The following DCAF12 variants were observed in gnomAD, a reference collection of about 807,000 sequenced individuals.
The protein encoded by DCAF12 is DDB1 and CUL4 associated factor 12.
DCAF12 carries 28 observed loss-of-function variants against 52.8 expected under a neutral mutation model. The ratio of observed to expected loss-of-function variants is 0.53; its 90% CI spans 0.39 to 0.73. The LOEUF is 0.73. DCAF12 is among the 30% of genes least tolerant of loss of function. The pLI, the probability that DCAF12 is intolerant of heterozygous loss-of-function variation, is 0.00. For missense variants in DCAF12, 425 were observed against 552.2 expected, an observed-to-expected ratio of 0.77 and a Z score of 2.31; for synonymous variants, 196 against 215.5, an observed-to-expected ratio of 0.91 and a Z score of 0.79.
In DCAF12 at chr9:34,088,365, A is replaced by G. The variant is rs1828592097; in HGVS notation, c.1347T>C (p.Ala449=). The G allele has an allele frequency of 1.9e-6, 3 of 1,601,388 alleles. No individual in the cohort carries two copies. The highest frequency in any genetic ancestry group is 1.7e-6 in the Non-Finnish European group (2 of 1,174,456). ...PLPSGLHGNY[A]GLWS is the part of the protein sequence containing the mutation. ...GGAGTTGTCATTAACTCCAGAGCCCAGCATAGTTTCCATGGAGCCCTGAAG... is the reference window on the plus strand; with the variant it reads ...GGAGTTGTCATTAACTCCAGAGCCCGGCATAGTTTCCATGGAGCCCTGAAG... The change falls in exon 9 of 9, where the codon GCT becomes GCC. Residue 449 remains alanine (A), a synonymous_variant. Transcript: ENST00000361264.
In DCAF12 at chr9:34,105,839, G is replaced by C. The variant is rs538967544; in HGVS notation, c.601+595C>G. Among the ~76,000 whole-genome samples, 4 of 147,880 alleles carry C rather than the reference G, an allele frequency of 2.7e-5. No individual in the cohort carries two copies. The Admixed American group carries it at 2.7e-4, about 10-fold the overall frequency. On this transcript the variant is annotated intron_variant, in intron 4 of 8. Coordinates refer to ENST00000361264, the MANE Select transcript of DCAF12 (RefSeq NM_015397.4). Reference sequence around the variant, plus strand: ...TCTCAGCTCACTGCAACCTCTGCCTGCCGGGTTCAAGCAATTCTCCTGCCT... The same window carrying C: ...TCTCAGCTCACTGCAACCTCTGCCTCCCGGGTTCAAGCAATTCTCCTGCCT...
At chr9:34,106,963 T>C (rs1828913315) in intron 3 of DCAF12, among the ~76,000 whole-genome samples, 1 of 152,198 alleles carries the variant, frequency 6.6e-6, no homozygotes, top group Non-Finnish European at 1.5e-5. Context: ...CTGGTAAATA[T>C]TAGTTTATAT....
intron 2 of DCAF12, among the ~76,000 whole-genome samples, chr9:34,123,020 C>G (rs1016203002): frequency 6.6e-6 from 1 of 152,178 alleles, no homozygotes; most frequent in African/African-American, 2.4e-5. Flanking sequence ...TAAGGTTATA[C>G]CACCTCTACT....
At chr9:34,109,778 C>A in intron 2 of DCAF12, 1 of 337,680 alleles carries the variant, frequency 3.0e-6, no homozygotes, top group South Asian at 2.9e-5. Flanking sequence ...ACTCACAGTG[C>A]AGACACCAGG....
chr9:34,094,698 T>C (rs1828705534), intron 6 of DCAF12, among the ~76,000 whole-genome samples: 1 of 150,016 alleles, frequency 6.7e-6, no homozygotes, highest in South Asian at 2.1e-4. Context: ...GCCCGGCTAA[T>C]TTTTTGTATT....
At chr9:34,114,826 A>C (rs1158397946) in intron 2 of DCAF12, among the ~76,000 whole-genome samples, 1 of 152,000 alleles carries the variant, frequency 6.6e-6, no homozygotes, top group Non-Finnish European at 1.5e-5. Flanking sequence ...AAGGAGTCAG[A>C]TGTGGTAGCA....
At chr9:34,089,235 C>A (rs541466072) in intron 8 of DCAF12, among the ~76,000 whole-genome samples, 177 bp downstream of exon 8, 2 of 152,232 alleles carry the variant, frequency 1.3e-5, no homozygotes, top group Admixed American at 1.3e-4. Context: ...CTCAGTTTTC[C>A]CACAGGCAAC....
chr9:34,097,903 T>C (rs1396382542), intron 5 of DCAF12, among the ~76,000 whole-genome samples: 1 of 148,872 alleles, frequency 6.7e-6, no homozygotes, highest in Non-Finnish European at 1.5e-5. Flanking sequence ...ATTGCACTCC[T>C]GCCTAGGTGA....
chr9:34,099,372 C>T (rs921535396), intron 4 of DCAF12, among the ~76,000 whole-genome samples: 7 of 151,038 alleles, frequency 4.6e-5, no homozygotes, highest in African/African-American at 1.7e-4. Flanking sequence ...GCTGGGACTA[C>T]AGGCGCGTGC....
At chr9:34,124,719 A>G (rs1364186185) in intron 2 of DCAF12, among the ~76,000 whole-genome samples, 1 of 152,188 alleles carries the variant, frequency 6.6e-6, no homozygotes, top group Non-Finnish European at 1.5e-5. Context: ...GAGGCCTATG[A>G]CTTAAAAACC....
intron 2 of DCAF12, chr9:34,109,857 C>G: frequency 3.6e-6 from 1 of 281,304 alleles, no homozygotes; most frequent in Non-Finnish European, 7.3e-6. Context: ...AGAGAGCTTC[C>G]TTATCAATGC....
intron 7 of DCAF12, 38 bp from the exon 8 acceptor site, chr9:34,089,628 A>G: frequency 6.4e-7 from 1 of 1,558,804 alleles, no homozygotes. Context: ...GAGGCGGGAG[A>G]GAATATTTGC....
intron 4 of DCAF12, among the ~76,000 whole-genome samples, chr9:34,099,970 C>T (rs1828800744): frequency 6.6e-6 from 1 of 152,114 alleles, no homozygotes; most frequent in Non-Finnish European, 1.5e-5. Flanking sequence ...GGCAGTAGGG[C>T]TTGGGAATCC....
Position 34,111,178 on chromosome 9 carries a change from G to A in DCAF12, c.334-3613C>T, listed in dbSNP as rs926189688. On this transcript the variant is annotated intron_variant, in intron 2 of 8. Transcript: ENST00000361264. Reference sequence around the variant, plus strand: ...TTTTTATATTTTTACTAAAGATGGGGTTTCACCATATTGGCCAGGCTGGTC... The same window carrying A: ...TTTTTATATTTTTACTAAAGATGGGATTTCACCATATTGGCCAGGCTGGTC... Among the ~76,000 whole-genome samples the A allele has an allele frequency of 3.3e-5, 5 of 151,926 alleles. No homozygotes were observed. In the South Asian group the frequency reaches 6.2e-4, roughly 19 times the overall value.
rs1304963157 is a variant in DCAF12 at position 34,088,258 on chromosome 9, GA to G, written c.*91del. ...CTTTGGTGTTCCCACTAAAACACAA[GA>G]GCCTCACACAATTAGGAAAAAAAAA... On this transcript the variant is annotated 3_prime_UTR_variant, in exon 9 of 9. Coordinates refer to ENST00000361264, the MANE Select transcript of DCAF12 (RefSeq NM_015397.4). 3.6e-6 allele frequency: 5 copies of G among 1,401,704 alleles called. No homozygotes were observed. The highest frequency in any genetic ancestry group is 3.8e-6 in the Non-Finnish European group (4 of 1,050,326). The allele number at this position is 1,401,704 out of a possible 1,614,324, so 86.8% of individuals were successfully genotyped here.
chr9:34,107,880 A>G (rs1339181320), intron 2 of DCAF12, among the ~76,000 whole-genome samples: 1 of 152,210 alleles, frequency 6.6e-6, no homozygotes, highest in Non-Finnish European at 1.5e-5. Context: ...GAAGACCAAC[A>G]CAGTTTTCTG....
chr9:34,120,303 C>T (rs1411863560), intron 2 of DCAF12, among the ~76,000 whole-genome samples: 1 of 150,990 alleles, frequency 6.6e-6, no homozygotes, highest in African/African-American at 2.4e-5. Flanking sequence ...TCCCTTGGGC[C>T]CAGGAATTTG....
chr9:34,125,228 T>G lies in DCAF12; in HGVS notation c.128A>C (p.Lys43Thr). Residue 43 changes from lysine to threonine, a missense_variant, in exon 2 of 9, where the codon AAG becomes ACG. Physicochemically the swap from Lys to Thr is moderately conservative, Grantham distance 78 (BLOSUM62 -1). This residue lies in a region of DCAF12 where 89 missense variants were observed against 84.9 expected (regional missense o/e 1.05). Coordinates refer to ENST00000361264, the MANE Select transcript of DCAF12 (RefSeq NM_015397.4). ...CTTCAAGTAGTATACTAAGGATCTC[T>G]TCACAGGAGGAAGTCTTTTCCTTTT... is the stretch of plus-strand genomic sequence containing the variant. ...LHKRKRLPPV[K>T]RSLVYYLKNR... 2 of 1,614,068 alleles carry G rather than the reference T, an allele frequency of 1.2e-6. No individual in the cohort carries two copies. Among genetic ancestry groups the G allele is most frequent in the Non-Finnish European group, 1.7e-6 (2 of 1,179,944 alleles).
chr9:34,121,135 C>T (rs1404517549), intron 2 of DCAF12, among the ~76,000 whole-genome samples: 1 of 152,128 alleles, frequency 6.6e-6, no homozygotes, highest in Non-Finnish European at 1.5e-5. Context: ...GCCTGAGCAA[C>T]AGAGCGAGAC....
Sources: gnomAD v4.1 joint callset for allele counts (sites outside exome capture counted in the v4.1 genomes callset) on GRCh38, gnomAD v4.1.1 for gene constraint, gnomAD v4.1.1 regional missense constraint, MANE v1.5 for transcripts, NCBI Gene and HGNC (gene_info 2026-07-23, HGNC 2026-07-21) for gene names.